Variants in STK39 observed in about 807,000 individuals in gnomAD.
STK39 encodes serine/threonine kinase 39, also known as STE20/SPS1-related proline-alanine-rich protein kinase.
In STK39, 20 loss-of-function variants were observed where a neutral mutation model predicts 77.8. The observed-to-expected ratio is 0.26, with a 90% CI of 0.18 to 0.37. The LOEUF is 0.37. Ranked by LOEUF, STK39 falls within the 10% of genes least tolerant of loss-of-function variation. The pLI is 1.00. For missense variants in STK39, 479 were observed against 656.5 expected (o/e 0.73, Z 2.95); for synonymous variants, 246 against 234.1 (o/e 1.05, Z -0.47).
At position 168,129,267 on chromosome 2, in the gene STK39, C is replaced by A. The variant is rs371359371; in HGVS notation, c.1089+274G>T. On this transcript the variant is annotated intron_variant, in intron 10 of 17. Transcript: ENST00000355999. ...ATATTTTACCTCTCCAGTATTTAAA[C>A]CTCATCACATCCCCTCCTTTCTGAC... Among the ~76,000 whole-genome samples, 8 of 152,294 alleles carry A rather than the reference C, an allele frequency of 5.3e-5. No homozygotes were observed. In the East Asian group the frequency reaches 1.2e-3, roughly 22 times the overall value.
At chr2:168,083,832 T>C (rs1344020780) in intron 10 of STK39, among the ~76,000 whole-genome samples, 1 of 151,594 alleles carries the variant, frequency 6.6e-6, no homozygotes, top group Non-Finnish European at 1.5e-5. Flanking sequence ...AAGCAGAAAA[T>C]GCAAAGGAAA....
At chr2:168,182,653 T>C (rs1237760048) in intron 1 of STK39, among the ~76,000 whole-genome samples, 2 of 152,182 alleles carry the variant, frequency 1.3e-5, no homozygotes, top group African/African-American at 4.8e-5. Flanking sequence ...GACATTCATA[T>C]AAATTTTCTA....
At chr2:167,968,767 C>T (rs958756215) in intron 16 of STK39, among the ~76,000 whole-genome samples, 3 of 152,084 alleles carry the variant, frequency 2.0e-5, no homozygotes, top group African/African-American at 7.2e-5. Context: ...GGAGATGGTA[C>T]GAGGGTAGGT....
chr2:168,148,637 G>A (rs905788880), intron 5 of STK39, among the ~76,000 whole-genome samples: 1 of 152,174 alleles, frequency 6.6e-6, no homozygotes, highest in African/African-American at 2.4e-5. Flanking sequence ...ATGCCACTTT[G>A]CACATAGGAG....
intron 5 of STK39, among the ~76,000 whole-genome samples, chr2:168,160,723 T>G (rs557266360): frequency 8.3e-4 from 126 of 152,320 alleles, no homozygotes; most frequent in African/African-American, 2.9e-3. Context: ...GCCTGCACTC[T>G]GAACAACTAG....
intron 14 of STK39, among the ~76,000 whole-genome samples, chr2:168,033,842 C>T (rs1205624701): frequency 6.6e-6 from 1 of 152,138 alleles, no homozygotes; most frequent in Non-Finnish European, 1.5e-5. Flanking sequence ...ACTTAACTTT[C>T]CAAGTCTTTC....
chr2:167,960,545 C>T (rs1483305848), intron 17 of STK39, among the ~76,000 whole-genome samples: 3 of 152,138 alleles, frequency 2.0e-5, no homozygotes, highest in Non-Finnish European at 4.4e-5. Context: ...AAAATGTATA[C>T]ATTATCAGGG....
At chr2:167,971,237 C>A (rs561883390) in intron 16 of STK39, among the ~76,000 whole-genome samples, 1 of 152,202 alleles carries the variant, frequency 6.6e-6, no homozygotes, top group African/African-American at 2.4e-5. Flanking sequence ...AATTTCTGAT[C>A]CAAACTGGGT....
At chr2:168,207,525 T>G (rs1381232800) in intron 1 of STK39, among the ~76,000 whole-genome samples, 1 of 152,196 alleles carries the variant, frequency 6.6e-6, no homozygotes, top group African/African-American at 2.4e-5. Context: ...CCCTATGGGA[T>G]GTACTCAAGT....
At chr2:168,198,317 T>C (rs1266501315) in intron 1 of STK39, among the ~76,000 whole-genome samples, 4 of 152,196 alleles carry the variant, frequency 2.6e-5, no homozygotes, top group South Asian at 2.1e-4. Flanking sequence ...CAACATGTTA[T>C]TGAACCATAA....
chr2:168,010,579 A>G (rs1684246167), intron 16 of STK39, among the ~76,000 whole-genome samples: 1 of 152,212 alleles, frequency 6.6e-6, no homozygotes, highest in African/African-American at 2.4e-5. Flanking sequence ...ACTCCACATA[A>G]ATGCACGTTA....
At chr2:168,228,726 T>C (rs1028247705) in intron 1 of STK39, among the ~76,000 whole-genome samples, 7 of 152,074 alleles carry the variant, frequency 4.6e-5, no homozygotes, top group Non-Finnish European at 7.4e-5. Context: ...GAGGCAGAGG[T>C]TGCAGTGAGC....
At chr2:168,222,684 T>C (rs145993704) in intron 1 of STK39, among the ~76,000 whole-genome samples, 8 of 152,324 alleles carry the variant, frequency 5.3e-5, no homozygotes, top group Admixed American at 2.6e-4. Context: ...AAGAGAACTT[T>C]TATCTATCTT....
rs1254805319 is a variant in STK39, at chr2:168,108,194, C to T, written c.1089+21347G>A. ...GCACAGTTTGGGAGATGTCTTGACT[C>T]GACGGTATACCAACTTGTGACAAAC... On this transcript the variant is annotated intron_variant, in intron 10 of 17. Coordinates refer to ENST00000355999, the MANE Select transcript of STK39 (RefSeq NM_013233.3). Among the ~76,000 whole-genome samples, 3 of 152,098 alleles carry T rather than the reference C, an allele frequency of 2.0e-5. No homozygotes were observed. In the East Asian group the frequency reaches 5.8e-4, roughly 29 times the overall value.
chr2:167,970,462 AGG>A (rs1017766082), intron 16 of STK39, among the ~76,000 whole-genome samples: 5 of 152,218 alleles, frequency 3.3e-5, no homozygotes, highest in African/African-American at 1.2e-4. Context: ...CCCTCTCCCC[AGG>A]CACAAGCTCA....
chr2:168,227,605 A>C (rs1690340508), intron 1 of STK39, among the ~76,000 whole-genome samples: 1 of 152,176 alleles, frequency 6.6e-6, no homozygotes, highest in Non-Finnish European at 1.5e-5. Context: ...CACATCCACA[A>C]ACAGTAAGAA....
At chr2:168,021,991 T>C (rs553410011) in intron 14 of STK39, among the ~76,000 whole-genome samples, 28 of 152,296 alleles carry the variant, frequency 1.8e-4, no homozygotes, top group Admixed American at 3.9e-4. Context: ...TACATATATA[T>C]TGAATACAGA....
intron 12 of STK39, among the ~76,000 whole-genome samples, chr2:168,072,832 C>T (rs1162966579): frequency 6.6e-6 from 1 of 152,158 alleles, no homozygotes. Context: ...TCTCTTAATA[C>T]AGCTCAAGAT....
chr2:168,167,052 C>A (rs962413509), intron 3 of STK39, among the ~76,000 whole-genome samples: 6 of 152,076 alleles, frequency 3.9e-5, no homozygotes, highest in Non-Finnish European at 2.9e-5. Flanking sequence ...TGCCTCTCAG[C>A]CTAGAAGGTC....
Sources: gnomAD v4.1 joint callset for allele counts (sites outside exome capture counted in the v4.1 genomes callset) on GRCh38, gnomAD v4.1.1 for gene constraint, MANE v1.5 for transcripts, NCBI Gene and HGNC (gene_info 2026-07-23, HGNC 2026-07-21) for gene names.